The following TMEM134 variants were observed in gnomAD, a reference collection of about 807,000 sequenced individuals.
The protein encoded by TMEM134 is transmembrane protein 134.
In TMEM134, 36 loss-of-function variants were observed where a neutral mutation model predicts 26.2. That is an observed-to-expected ratio of 1.37 (90% confidence interval 1.05 to 1.81). TMEM134 has a LOEUF of 1.81. Ranked by LOEUF, TMEM134 falls within the 40% of genes most tolerant of loss-of-function variation. TMEM134 has a pLI of 0.00. For missense variants in TMEM134, 339 were observed against 263.5 expected, an observed-to-expected ratio of 1.29 and a Z score of -1.98; for synonymous variants, 133 against 113.6, an observed-to-expected ratio of 1.17 and a Z score of -1.08.
At chr11:67,465,134 G>C (rs1223464583) in intron 4 of TMEM134, 34 bp from the exon 5 acceptor site, 1 of 1,555,706 alleles carries the variant, frequency 6.4e-7, no homozygotes, top group Admixed American at 1.9e-5. Context: ...GGTGGGGGCA[G>C]GAGCAGTGGT....
At position 67,467,375 on chromosome 11, in the gene TMEM134, G is replaced by A; in HGVS notation, c.343C>T (p.Pro115Ser). The part of the protein sequence containing the change: ...YNTCCSWTQH[P>S]LIQKNRRVVL... Reference sequence around the variant, plus strand: ...ACTCGGCGGTTCTTCTGGATCAAAGGGTGTTGGGTCCAGCTGGGTGGCAGG... The same window carrying A: ...ACTCGGCGGTTCTTCTGGATCAAAGAGTGTTGGGTCCAGCTGGGTGGCAGG... The change falls in exon 4 of 7, where the codon CCT becomes TCT. Residue 115 changes from proline (P) to serine (S), a missense_variant. Physicochemically the swap from Pro to Ser is moderately conservative, Grantham distance 74. Coordinates refer to ENST00000308022, the MANE Select transcript of TMEM134 (RefSeq NM_025124.4). 6.2e-7 allele frequency: 1 copy of A among 1,613,934 alleles called. No individual in the cohort carries two copies. Among genetic ancestry groups the A allele is most frequent in the Non-Finnish European group, 8.5e-7 (1 of 1,179,918 alleles).
chr11:67,469,006 C>A lies in TMEM134; in HGVS notation c.174+13G>T. On this transcript the variant is annotated intron_variant, in intron 1 of 6. Transcript: ENST00000308022. The stretch of plus-strand genomic sequence containing the variant: ...GGCCGGGGGCAGGGGGTTAGGTGGG[C>A]CGGGCGGTTCACCTGGTAGCGCAGC... 1.3e-6 allele frequency: 2 copies of A among 1,484,942 alleles called. No homozygotes were observed. Among genetic ancestry groups the A allele is most frequent in the Non-Finnish European group, 1.8e-6 (2 of 1,118,306 alleles). 92.0% of individuals were successfully genotyped at this position (1,484,942 alleles called of 1,614,324 possible).
In TMEM134 at chr11:67,467,357, G is replaced by A. The variant is rs371527066; in HGVS notation, c.361C>T (p.Arg121Cys). 8.7e-6 allele frequency: 14 copies of A among 1,613,826 alleles called. No individual in the cohort carries two copies. The African/African-American group carries it at 1.5e-4, about 17-fold the overall frequency. Reference sequence around the variant, plus strand: ...AGGAAGGAGGCCAGCACCACTCGGCGGTTCTTCTGGATCAAAGGGTGTTGG... The same window carrying A: ...AGGAAGGAGGCCAGCACCACTCGGCAGTTCTTCTGGATCAAAGGGTGTTGG... The part of the protein sequence containing the change: ...WTQHPLIQKN[R>C]RVVLASFLLL... Residue 121 changes from arginine to cysteine, a missense_variant, in exon 4 of 7, where the codon CGC (arginine) becomes TGC (cysteine). By Grantham distance (180) the Arg-to-Cys change is radical. Transcript: ENST00000308022.
At position 67,468,558 on chromosome 11, in the gene TMEM134, G is replaced by C. The variant is rs569384341; in HGVS notation, c.174+461C>G. On this transcript the variant is annotated intron_variant, in intron 1 of 6. Transcript: ENST00000308022. Reference sequence around the variant, plus strand: ...GGCAAGGACTGGTCATGTGAGAGGAGCTCCAGCTCTTAGGGGTGGTGGTGG... The same window carrying C: ...GGCAAGGACTGGTCATGTGAGAGGACCTCCAGCTCTTAGGGGTGGTGGTGG... Among the ~76,000 whole-genome samples the C allele has an allele frequency of 6.6e-5, 10 of 152,346 alleles. No homozygotes were observed. The East Asian group carries it at 1.9e-3, about 29-fold the overall frequency.
intron 4 of TMEM134, 52 bp downstream of exon 4, chr11:67,467,260 G>T: frequency 6.4e-7 from 1 of 1,561,792 alleles, no homozygotes; most frequent in Admixed American, 1.7e-5. Context: ...ACAAAAGGAG[G>T]GCAGAGCCTC....
chr11:67,465,705 C>G (rs1479227692), intron 4 of TMEM134, among the ~76,000 whole-genome samples: 5 of 151,888 alleles, frequency 3.3e-5, no homozygotes, highest in East Asian at 1.9e-4. Context: ...GCAGGAAGAT[C>G]GCTTGAGGCC....
At chr11:67,467,725 C>G in intron 2 of TMEM134, 135 bp from the exon 3 acceptor site, 1 of 837,320 alleles carries the variant, frequency 1.2e-6, no homozygotes, top group Non-Finnish European at 1.9e-6. Flanking sequence ...CCTGAGAGGC[C>G]TCGGTGGGTG....
chr11:67,468,892 C>CG (rs1234453262), intron 1 of TMEM134, 127 bp downstream of exon 1: 50 of 954,274 alleles, frequency 5.2e-5, no homozygotes, highest in African/African-American at 1.2e-4. Flanking sequence ...GTCCGCGGGG[C>CG]GGGGGGGCGG....
chr11:67,467,768 G>A (rs1328521095), intron 2 of TMEM134, 178 bp from the exon 3 acceptor site: 2 of 688,434 alleles, frequency 2.9e-6, no homozygotes, highest in African/African-American at 1.8e-5. Flanking sequence ...ATGAGCTAGG[G>A]GATTCTGTAG....
intron 4 of TMEM134, 95 bp downstream of exon 4, chr11:67,467,217 G>A (rs1010336690): frequency 2.3e-5 from 27 of 1,194,718 alleles, no homozygotes; most frequent in Non-Finnish European, 3.0e-5. Context: ...AGGATGCTGG[G>A]AGGCTCAGTG....
rs765220745 is a variant in TMEM134, at chr11:67,464,798, C to T, written c.505+5G>A. On this transcript the variant is annotated splice_donor_5th_base_variant and intron_variant, in intron 6 of 6. Transcript: ENST00000308022. The stretch of plus-strand genomic sequence containing the variant: ...CGCCCCTTCCGCCCCGGTGCCCGCT[C>T]GCACCTCCAGGCACCAACAACAGGA... 8.7e-6 allele frequency: 14 copies of T among 1,604,598 alleles called. No individual in the cohort carries two copies. Among genetic ancestry groups the T allele is most frequent in the East Asian group, 4.5e-5 (2 of 44,660 alleles).
intron 5 of TMEM134, 81 bp downstream of exon 5, chr11:67,464,975 G>A: frequency 4.0e-6 from 6 of 1,488,546 alleles, no homozygotes; most frequent in Non-Finnish European, 5.5e-6. Context: ...GTGTACTGCC[G>A]GGAGGTGGGA....
rs1591030587 is a variant in TMEM134, at chr11:67,469,221, C to T, written c.-29G>A. The T allele has an allele frequency of 8.0e-7, 1 of 1,255,354 alleles. No homozygotes were observed. The highest frequency in any genetic ancestry group is 1.0e-6 in the Non-Finnish European group (1 of 997,484). 77.8% of individuals were successfully genotyped at this position (1,255,354 alleles called of 1,614,324 possible). On this transcript the variant is annotated 5_prime_UTR_variant, in exon 1 of 7. Coordinates refer to ENST00000308022, the MANE Select transcript of TMEM134 (RefSeq NM_025124.4). ...CCCGGCCCGCTCAGGCGCCGTGCGC[C>T]GCCGCCATCTGCGCCCACACACCCA...
intron 4 of TMEM134, chr11:67,465,478 G>C: frequency 4.6e-6 from 1 of 217,062 alleles, no homozygotes; most frequent in South Asian, 5.7e-5. Context: ...GGATATAGGG[G>C]GTAAGAACAG....
At chr11:67,465,154 G>GGCTCCC (rs750421682) in intron 4 of TMEM134, 54 bp from the exon 5 acceptor site, 100 of 1,538,486 alleles carry the variant, frequency 6.5e-5, no homozygotes, top group Non-Finnish European at 6.1e-5. Context: ...TGAGGGCGGG[G>GGCTCCC]GCTCCCACCC....
rs929696098 is a variant in TMEM134, at chr11:67,464,005, C to T, written c.*609G>A. ...CAGGGCTGGCTGTGGCAGCCCAGGG[C>T]CCCAGAGCCAGGCTGGAACTAGGAT... On this transcript the variant is annotated 3_prime_UTR_variant, in exon 7 of 7. Transcript: ENST00000308022. The T allele has an allele frequency of 4.4e-5, 7 of 157,518 alleles. No individual in the cohort carries two copies. Among genetic ancestry groups the T allele is most frequent in the Admixed American group, 2.4e-4 (4 of 16,436 alleles). 9.8% of individuals were successfully genotyped at this position (157,518 alleles called of 1,614,324 possible).
Position 67,464,314 on chromosome 11 carries a change from C to T in TMEM134, c.*300G>A. The T allele has an allele frequency of 2.1e-6, 1 of 477,380 alleles. No individual in the cohort carries two copies. Among genetic ancestry groups the T allele is most frequent in the East Asian group, 4.0e-5 (1 of 24,844 alleles). The allele number at this position is 477,380 out of a possible 1,614,324, so 29.6% of individuals were successfully genotyped here. ...GGGGGGCTGTGGTCAGGCTGGTGGGCTGGGCTAGCAGTGGCAGGACAGGAG... is the reference window on the plus strand; with the variant it reads ...GGGGGGCTGTGGTCAGGCTGGTGGGTTGGGCTAGCAGTGGCAGGACAGGAG... On this transcript the variant is annotated 3_prime_UTR_variant, in exon 7 of 7. Coordinates refer to ENST00000308022, the MANE Select transcript of TMEM134 (RefSeq NM_025124.4).
At chr11:67,467,451 G>A (rs372368165) in intron 3 of TMEM134, 50 bp downstream of exon 3, 218 of 1,612,598 alleles carry the variant, frequency 1.4e-4, no homozygotes, top group Non-Finnish European at 1.8e-4. Context: ...AGGAGGCTGT[G>A]GGGGTGGAGC....
Position 67,468,819 on chromosome 11 carries a change from G to A in TMEM134, c.174+200C>T, listed in dbSNP as rs376881325. On this transcript the variant is annotated intron_variant, in intron 1 of 6. Transcript: ENST00000308022. ...CGGGCCCGGGCACTGGGCTCTTCCC[G>A]GCTGGCTGGGGCCCGGTATGGGAAC... 4.5e-4 allele frequency among the ~76,000 whole-genome samples: 68 copies of A among 152,308 alleles called. 2 individuals carry two copies. In the South Asian group the frequency reaches 0.013, roughly 30 times the overall value.
Sources: gnomAD v4.1 joint callset for allele counts (sites outside exome capture counted in the v4.1 genomes callset) on GRCh38, gnomAD v4.1.1 for gene constraint, MANE v1.5 for transcripts, NCBI Gene and HGNC (gene_info 2026-07-23, HGNC 2026-07-21) for gene names.